Variants in MPDZ observed in about 807,000 individuals in gnomAD.
The protein encoded by MPDZ is multiple PDZ domain crumbs cell polarity complex component.
A neutral mutation model predicts 239.1 loss-of-function variants in MPDZ; 234 were observed. The observed-to-expected ratio is 0.98, with a 90% CI of 0.88 to 1.09. MPDZ has a LOEUF of 1.09. Ranked by LOEUF, MPDZ falls within the 50% of genes least tolerant of loss-of-function variation. The probability of loss-of-function intolerance (pLI) is 0.00; values close to 1 mark genes in which losing one functional copy is unlikely to be tolerated. For synonymous variants in MPDZ, 1,048 were observed against 881.3 expected, an observed-to-expected ratio of 1.19 and a Z score of -3.35; for missense variants, 3,175 against 2,510.0, an observed-to-expected ratio of 1.26 and a Z score of -5.66.
In MPDZ at chr9:13,158,071, AC is replaced by A. The variant is rs1209370175; in HGVS notation, c.3398del (p.Gly1133ValfsTer30). ...CTGTGTTTTGAAGTTCGCTTTCTTC[AC>A]CCTCTCCCTCTTCTCGCTCTGGTAA... Reference protein sequence around the residue: ...PELPEREEGEGEESELQNTAY... With the variant: ...PELPEREEGEXEESELQNTAY... On this transcript the variant is annotated frameshift_variant, in exon 24 of 47. Transcript: ENST00000319217. LOFTEE classifies it high-confidence loss of function. The A allele has an allele frequency of 6.2e-7, 1 of 1,612,608 alleles. No homozygotes were observed. The highest frequency in any genetic ancestry group is 1.3e-5 in the African/African-American group (1 of 74,920).
At chr9:13,109,855 A>T in intron 45 of MPDZ, 97 bp downstream of exon 45, 1 of 897,300 alleles carries the variant, frequency 1.1e-6, no homozygotes, top group Non-Finnish European at 1.8e-6. Flanking sequence ...TTTTACCTGT[A>T]CGTAATTCCT....
chr9:13,153,224 C>A (rs1219353176), intron 24 of MPDZ, among the ~76,000 whole-genome samples: 1 of 152,148 alleles, frequency 6.6e-6, no homozygotes, highest in Non-Finnish European at 1.5e-5. Flanking sequence ...AAAGCAGACA[C>A]TGAGGCACAT....
chr9:13,143,432 G>A (rs753153720), intron 27 of MPDZ, 34 bp downstream of exon 27: 4 of 1,500,748 alleles, frequency 2.7e-6, no homozygotes, highest in Non-Finnish European at 3.7e-6. Flanking sequence ...TTTGCAAAAG[G>A]CAACCAACAG....
rs199870788 is a variant in MPDZ, at chr9:13,121,735, A to C, written c.5231+4T>G. ...AGCATTGGGTTTGTCCTCCTCAATC[A>C]CACCTTTTACCAACAATACTTAATC... On this transcript the variant is annotated splice_donor_region_variant and intron_variant, in intron 38 of 46. Transcript: ENST00000319217. The C allele has an allele frequency of 6.6e-4, 1,072 of 1,613,736 alleles. 8 individuals carry two copies. The highest frequency in any genetic ancestry group is 6.4e-3 in the Middle Eastern group (39 of 6,060).
chr9:13,271,136 A>C (rs1208637658), intron 1 of MPDZ, among the ~76,000 whole-genome samples: 1 of 152,164 alleles, frequency 6.6e-6, no homozygotes, highest in Non-Finnish European at 1.5e-5. Flanking sequence ...AAATATTTTT[A>C]AATCTTTTTT....
chr9:13,224,027 T>G (rs1327026125), intron 4 of MPDZ, among the ~76,000 whole-genome samples: 1 of 151,550 alleles, frequency 6.6e-6, no homozygotes, highest in Non-Finnish European at 1.5e-5. Context: ...GAGCAAGGCA[T>G]GTCTCAAAAA....
intron 22 of MPDZ, 31 bp from the exon 23 acceptor site, chr9:13,162,826 G>A (rs1350413468): frequency 2.0e-6 from 3 of 1,476,150 alleles, no homozygotes; most frequent in Non-Finnish European, 2.8e-6. Flanking sequence ...TGGAAGTGAA[G>A]GGAAATAATA....
chr9:13,222,483 A>T, intron 5 of MPDZ, 37 bp from the exon 6 acceptor site: 1 of 1,510,208 alleles, frequency 6.6e-7, no homozygotes, highest in Middle Eastern at 2.3e-4. Flanking sequence ...AGACAATCTG[A>T]GAGTTCTCAA....
intron 3 of MPDZ, among the ~76,000 whole-genome samples, chr9:13,241,707 A>G (rs1965446154): frequency 2.0e-5 from 3 of 152,356 alleles, no homozygotes; most frequent in African/African-American, 4.8e-5. Context: ...TGCTCAGTTC[A>G]CAAAGTTTCT....
At chr9:13,172,381 TTTTTTG>T (rs1951888471) in intron 21 of MPDZ, among the ~76,000 whole-genome samples, 2 of 8,424 alleles carry the variant, frequency 2.4e-4, no homozygotes, top group Non-Finnish European at 1.1e-3. Flanking sequence ...TCTTACTTTG[TTTTTTG>T]TTTTTTTTTT....
chr9:13,260,339 G>A (rs770813449), intron 1 of MPDZ, among the ~76,000 whole-genome samples: 3 of 152,140 alleles, frequency 2.0e-5, no homozygotes, highest in Non-Finnish European at 4.4e-5. Flanking sequence ...GTTAAGAGAT[G>A]TAAGTACTGT....
intron 1 of MPDZ, 28 bp downstream of exon 1, chr9:13,279,372 T>G (rs1975140096): frequency 2.1e-5 from 3 of 140,664 alleles, no homozygotes; most frequent in Non-Finnish European, 3.1e-5. Context: ...CGCCTCGGCC[T>G]CTGGGCCGGG....
At chr9:13,271,158 T>C (rs1445371071) in intron 1 of MPDZ, among the ~76,000 whole-genome samples, 4 of 152,198 alleles carry the variant, frequency 2.6e-5, no homozygotes, top group African/African-American at 9.6e-5. Context: ...CAATTACCGG[T>C]AGTATTTTTT....
intron 18 of MPDZ, among the ~76,000 whole-genome samples, chr9:13,183,807 C>CA (rs1436189968): frequency 1.3e-5 from 2 of 151,938 alleles, no homozygotes; most frequent in Non-Finnish European, 2.9e-5. Context: ...TTTATTTCAT[C>CA]AATAAAAGGG....
chr9:13,115,662 C>CT (rs1292248965), intron 39 of MPDZ, among the ~76,000 whole-genome samples: 3 of 151,436 alleles, frequency 2.0e-5, no homozygotes, highest in Admixed American at 6.6e-5. Flanking sequence ...AGCTGAATAA[C>CT]TGAGGGTTTA....
intron 25 of MPDZ, 48 bp from the exon 26 acceptor site, chr9:13,147,706 C>CA (rs1563904392): frequency 6.3e-6 from 9 of 1,420,822 alleles, no homozygotes; most frequent in Admixed American, 1.9e-5. Context: ...TATAGAACAA[C>CA]AAAAAAATGT....
rs1362841707 is a variant in MPDZ at position 13,140,016 on chromosome 9, T to C, written c.3974A>G (p.Asp1325Gly). ...SSASKISQDVDKEDEFGYSWK... is the reference protein window; with the variant it reads ...SSASKISQDVGKEDEFGYSWK... ...GCTGTAACCAAACTCATCCTCTTTG[T>C]CCACATCTTGTGAGATTTTGCTTGC... Residue 1325 changes from aspartate (D) to glycine (G), a missense_variant, in exon 28 of 47, where the codon GAC (aspartate) becomes GGC (glycine). Coordinates refer to ENST00000319217, the MANE Select transcript of MPDZ (RefSeq NM_001378778.1). 2 of 1,613,184 alleles carry C rather than the reference T, an allele frequency of 1.2e-6. No individual in the cohort carries two copies. Among genetic ancestry groups the C allele is most frequent in the African/African-American group, 1.3e-5 (1 of 74,776 alleles).
intron 3 of MPDZ, among the ~76,000 whole-genome samples, chr9:13,236,998 A>G (rs2137093339): frequency 6.6e-6 from 1 of 152,256 alleles, no homozygotes; most frequent in African/African-American, 2.4e-5. Context: ...TACGCTGAAA[A>G]AAAGACTACA....
At chr9:13,174,554 G>C (rs1334325492) in intron 21 of MPDZ, among the ~76,000 whole-genome samples, 3 of 152,114 alleles carry the variant, frequency 2.0e-5, no homozygotes, top group Non-Finnish European at 4.4e-5. Context: ...AAAGAAACCC[G>C]TCTTCTTAAA....
Sources: allele counts gnomAD v4.1 joint callset (sites outside exome capture counted in the v4.1 genomes callset), GRCh38; gene constraint gnomAD v4.1.1; transcripts MANE v1.5; gene names NCBI Gene and HGNC (gene_info 2026-07-23, HGNC 2026-07-21).